The following SGCZ variants were observed in gnomAD, a reference collection of about 807,000 sequenced individuals.
SGCZ encodes the protein zeta-sarcoglycan.
Under a neutral mutation model 41.3 loss-of-function variants are expected in SGCZ, and 40 were observed. That is an observed-to-expected ratio of 0.97 (90% CI 0.75 to 1.26). The LOEUF is 1.26. Ranked by LOEUF, SGCZ falls within the 50% of genes most tolerant of loss-of-function variation. SGCZ has a pLI of 0.00. For synonymous variants in SGCZ, 206 were observed against 137.5 expected, an observed-to-expected ratio of 1.50 and a Z score of -3.49; for missense variants, 552 against 369.8, an observed-to-expected ratio of 1.49 and a Z score of -4.04.
intron 2 of SGCZ, among the ~76,000 whole-genome samples, chr8:14,353,247 T>C (rs1803166089): frequency 6.6e-6 from 1 of 152,112 alleles, no homozygotes; most frequent in African/African-American, 2.4e-5. Context: ...CATTTACTAG[T>C]AGATAGAAAC....
intron 1 of SGCZ, among the ~76,000 whole-genome samples, chr8:15,107,232 C>G (rs1218586917): frequency 6.6e-6 from 1 of 152,048 alleles, no homozygotes; most frequent in African/African-American, 2.4e-5. Context: ...CTCTTTTGTT[C>G]TCAAAGTAGC....
At chr8:15,220,422 G>A (rs1801554796) in intron 1 of SGCZ, among the ~76,000 whole-genome samples, 1 of 152,104 alleles carries the variant, frequency 6.6e-6, no homozygotes, top group Non-Finnish European at 1.5e-5. Context: ...GAGACACAAA[G>A]CTCCAGGCCC....
intron 5 of SGCZ, among the ~76,000 whole-genome samples, chr8:14,138,376 CA>C (rs1289809658): frequency 1.3e-5 from 2 of 152,008 alleles, no homozygotes; most frequent in Non-Finnish European, 2.9e-5. Flanking sequence ...CCCCAATTAA[CA>C]GACAAAGATT....
At chr8:14,211,813 G>C (rs927802443) in intron 4 of SGCZ, among the ~76,000 whole-genome samples, 4 of 152,036 alleles carry the variant, frequency 2.6e-5, no homozygotes, top group African/African-American at 4.8e-5. Context: ...ATGAGATTTG[G>C]GTGGGGACAC....
At chr8:14,317,505 A>G (rs1563253525) in intron 3 of SGCZ, among the ~76,000 whole-genome samples, 1 of 151,990 alleles carries the variant, frequency 6.6e-6, no homozygotes, top group Non-Finnish European at 1.5e-5. Context: ...CACAACACCC[A>G]AACACCCCAA....
At chr8:14,246,724 G>A (rs1429939963) in intron 3 of SGCZ, among the ~76,000 whole-genome samples, 5 of 151,664 alleles carry the variant, frequency 3.3e-5, no homozygotes, top group Non-Finnish European at 7.4e-5. Flanking sequence ...TGGCTGACAT[G>A]GTGAAACTCC....
chr8:15,166,243 C>CTT (rs1167112993), intron 1 of SGCZ, among the ~76,000 whole-genome samples: 9 of 129,300 alleles, frequency 7.0e-5, no homozygotes, highest in East Asian at 2.7e-4. Flanking sequence ...TTTTTTTTTT[C>CTT]TTTTTTTTTT....
intron 1 of SGCZ, among the ~76,000 whole-genome samples, chr8:14,958,153 C>A (rs1179566132): frequency 6.6e-6 from 1 of 151,730 alleles, no homozygotes; most frequent in Non-Finnish European, 1.5e-5. Context: ...GAAATTTTTT[C>A]TTTTTCTTTT....
At chr8:14,445,217 T>C (rs1187250429) in intron 2 of SGCZ, among the ~76,000 whole-genome samples, 1 of 152,224 alleles carries the variant, frequency 6.6e-6, no homozygotes, top group Non-Finnish European at 1.5e-5. Context: ...AAACTCCACC[T>C]TCAAGCCAAA....
intron 1 of SGCZ, among the ~76,000 whole-genome samples, chr8:14,948,145 T>C (rs1225963843): frequency 6.6e-6 from 1 of 152,154 alleles, no homozygotes; most frequent in Non-Finnish European, 1.5e-5. Flanking sequence ...GTATTTATTC[T>C]CTTACTAAGC....
intron 1 of SGCZ, among the ~76,000 whole-genome samples, chr8:14,631,449 T>G (rs1272728307): frequency 2.6e-5 from 4 of 152,052 alleles, no homozygotes; most frequent in African/African-American, 9.7e-5. Context: ...AGTGGAGGTA[T>G]CTACACCACA....
At chr8:14,447,277 A>G (rs532090295) in intron 2 of SGCZ, among the ~76,000 whole-genome samples, 1 of 152,248 alleles carries the variant, frequency 6.6e-6, no homozygotes, top group African/African-American at 2.4e-5. Flanking sequence ...TTTTCTTGCT[A>G]AAGTTGCTGG....
intron 5 of SGCZ, among the ~76,000 whole-genome samples, chr8:14,156,498 C>A (rs1176572006): frequency 1.3e-5 from 2 of 151,848 alleles, no homozygotes; most frequent in African/African-American, 4.8e-5. Flanking sequence ...CAAAAAAGTT[C>A]TTTCTTTCTT....
chr8:14,412,627 C>T (rs1358011454), intron 2 of SGCZ, among the ~76,000 whole-genome samples: 1 of 152,044 alleles, frequency 6.6e-6, no homozygotes, highest in African/African-American at 2.4e-5. Flanking sequence ...GTAACCTAAC[C>T]TTTTAATCTG....
intron 5 of SGCZ, among the ~76,000 whole-genome samples, chr8:14,119,314 C>G (rs1385147462): frequency 6.6e-6 from 1 of 152,048 alleles, no homozygotes; most frequent in East Asian, 1.9e-4. Flanking sequence ...ATTTTATTAT[C>G]TTTATAGCAA....
At chr8:14,774,446 T>G (rs1473396119) in intron 1 of SGCZ, among the ~76,000 whole-genome samples, 1 of 152,222 alleles carries the variant, frequency 6.6e-6, no homozygotes, top group Non-Finnish European at 1.5e-5. Context: ...AGTTAACGTT[T>G]AGGATTGTTC....
In SGCZ at chr8:14,237,611, T is replaced by A; in HGVS notation, c.405A>T (p.Leu135Phe). The part of the protein sequence containing the change: ...TVNARNHMGQ[L>F]TGQLTIGADA... ...ACTCACCTATGGTCAGCTGTCCGGT[T>A]AACTGCCCCATGTGATTTCTTGCAT... The change falls in exon 4 of 8, where the codon TTA becomes TTT. Residue 135 changes from leucine to phenylalanine, a missense_variant. Transcript: ENST00000382080. 1.9e-6 allele frequency: 3 copies of A among 1,613,990 alleles called. No homozygotes were observed. The highest frequency in any genetic ancestry group is 2.5e-6 in the Non-Finnish European group (3 of 1,179,872).
chr8:14,911,790 T>C (rs558498513), intron 1 of SGCZ, among the ~76,000 whole-genome samples: 3 of 151,954 alleles, frequency 2.0e-5, no homozygotes, highest in African/African-American at 7.2e-5. Flanking sequence ...CTTTCATTTA[T>C]TTCCTCAAGT....
intron 2 of SGCZ, among the ~76,000 whole-genome samples, chr8:14,514,186 A>G (rs1188573065): frequency 6.6e-6 from 1 of 152,096 alleles, no homozygotes; most frequent in Non-Finnish European, 1.5e-5. Context: ...CATTATAATG[A>G]TAACTCTTCT....
Sources: gnomAD v4.1 joint callset for allele counts (sites outside exome capture counted in the v4.1 genomes callset) on GRCh38, gnomAD v4.1.1 for gene constraint, MANE v1.5 for transcripts, NCBI Gene and HGNC (gene_info 2026-07-23, HGNC 2026-07-21) for gene names.